The following CEP128 variants were observed in gnomAD, a reference collection of about 807,000 sequenced individuals.
The protein encoded by CEP128 is centrosomal protein 128kDa.
In CEP128, 132 loss-of-function variants were observed where a neutral mutation model predicts 156.7. That is an observed-to-expected ratio of 0.84 (90% confidence interval 0.73 to 0.97). CEP128 has a LOEUF of 0.97. CEP128 is among the 50% of genes least tolerant of loss of function. The pLI, the probability that CEP128 is intolerant of heterozygous loss-of-function variation, is 0.00. For synonymous variants in CEP128, 469 were observed against 448.9 expected (o/e 1.04, Z -0.57); for missense variants, 1,252 against 1,281.9 (o/e 0.98, Z 0.36).
chr14:80,658,157 A>G (rs978557122), intron 19 of CEP128, among the ~76,000 whole-genome samples: 2 of 152,226 alleles, frequency 1.3e-5, no homozygotes, highest in Admixed American at 6.5e-5. Flanking sequence ...TAATTCACCT[A>G]GTACAAGTTT....
At chr14:80,731,919 C>T (rs1898289642) in intron 19 of CEP128, among the ~76,000 whole-genome samples, 1 of 152,066 alleles carries the variant, frequency 6.6e-6, no homozygotes, top group Non-Finnish European at 1.5e-5. Flanking sequence ...ATCAATAAGG[C>T]TATGTTTTCT....
intron 19 of CEP128, among the ~76,000 whole-genome samples, chr14:80,632,616 A>G (rs918948671): frequency 7.9e-5 from 12 of 151,034 alleles, no homozygotes; most frequent in African/African-American, 2.9e-4. Flanking sequence ...TGCATTCACT[A>G]TAACAGTTTT....
chr14:80,889,575 T>C (rs1339497016), intron 8 of CEP128, among the ~76,000 whole-genome samples: 1 of 152,210 alleles, frequency 6.6e-6, no homozygotes, highest in Non-Finnish European at 1.5e-5. Context: ...GGCTACCATA[T>C]GCAGAAAACT....
chr14:80,950,906 G>GAAAAAA (rs59969729), intron 2 of CEP128, among the ~76,000 whole-genome samples: 9 of 114,994 alleles, frequency 7.8e-5, no homozygotes, highest in East Asian at 7.7e-4. Context: ...TCCCGAGTAA[G>GAAAAAA]AAAAAAAAAA....
intron 11 of CEP128, among the ~76,000 whole-genome samples, chr14:80,837,673 G>A (rs921934440): frequency 5.9e-5 from 9 of 152,160 alleles, no homozygotes; most frequent in Non-Finnish European, 8.8e-5. Context: ...CCAAGATTGC[G>A]CCACTGCACT....
intron 19 of CEP128, among the ~76,000 whole-genome samples, chr14:80,612,328 T>C (rs1205845357): frequency 1.3e-5 from 2 of 152,194 alleles, no homozygotes; most frequent in Non-Finnish European, 2.9e-5. Flanking sequence ...TGTAGATAGA[T>C]ACACAATGAA....
intron 18 of CEP128, among the ~76,000 whole-genome samples, chr14:80,754,971 C>G (rs1376842018): frequency 3.9e-5 from 6 of 152,152 alleles, no homozygotes; most frequent in Non-Finnish European, 8.8e-5. Context: ...ACTGATTAGA[C>G]TGAAGGATAC....
chr14:80,904,937 C>T lies in CEP128; in HGVS notation c.362-6G>A. The T allele has an allele frequency of 6.7e-7, 1 of 1,484,420 alleles. No individual in the cohort carries two copies. Among genetic ancestry groups the T allele is most frequent in the Admixed American group, 1.7e-5 (1 of 59,854 alleles). 92.0% of individuals were successfully genotyped at this position (1,484,420 alleles called of 1,614,324 possible). A position where few individuals can be genotyped will look rare whatever the true frequency, so the allele number is the denominator to read the frequency against. The stretch of plus-strand genomic sequence containing the variant: ...AGGTGGAAAATGATGGAGCTCTTCA[C>T]AAGTGAAAGAAAAGGGAAGGTATTA... On this transcript the variant is annotated splice_region_variant and splice_polypyrimidine_tract_variant and intron_variant, in intron 5 of 24. Transcript: ENST00000555265.
intron 19 of CEP128, among the ~76,000 whole-genome samples, chr14:80,672,533 G>C (rs1294203801): frequency 1.3e-5 from 2 of 152,136 alleles, no homozygotes; most frequent in Non-Finnish European, 2.9e-5. Context: ...TGTGTGTGTA[G>C]GAACGGAAGC....
intron 20 of CEP128, among the ~76,000 whole-genome samples, chr14:80,568,703 C>T (rs982278293): frequency 3.9e-5 from 6 of 152,104 alleles, no homozygotes; most frequent in African/African-American, 7.2e-5. Context: ...CCAACACACA[C>T]GCGCAGGTAA....
intron 8 of CEP128, among the ~76,000 whole-genome samples, chr14:80,895,203 A>T (rs1231157072): frequency 6.6e-6 from 1 of 152,094 alleles, no homozygotes; most frequent in Non-Finnish European, 1.5e-5. Context: ...TATGACTTTG[A>T]GATAATAAAG....
At chr14:80,958,474 T>A (rs1003761564) in intron 1 of CEP128, among the ~76,000 whole-genome samples, 1 of 152,076 alleles carries the variant, frequency 6.6e-6, no homozygotes, top group Non-Finnish European at 1.5e-5. Flanking sequence ...GAAAAAAGTC[T>A]GAAAACAAGT....
chr14:80,621,739 T>C (rs1893488491), intron 19 of CEP128, among the ~76,000 whole-genome samples: 3 of 152,210 alleles, frequency 2.0e-5, no homozygotes. Context: ...AAAGGATCTC[T>C]CTAACCTCAC....
At chr14:80,766,374 C>T (rs1900239956) in intron 16 of CEP128, among the ~76,000 whole-genome samples, 1 of 152,112 alleles carries the variant, frequency 6.6e-6, no homozygotes, top group African/African-American at 2.4e-5. Context: ...GATGAACTGT[C>T]CTATAATTCA....
chr14:80,701,776 TTTTC>T (rs1383244810), intron 19 of CEP128, among the ~76,000 whole-genome samples: 1 of 152,208 alleles, frequency 6.6e-6, no homozygotes, highest in Non-Finnish European at 1.5e-5. Flanking sequence ...TCTTTGACCC[TTTTC>T]TTTCTCTCAA....
intron 19 of CEP128, among the ~76,000 whole-genome samples, chr14:80,729,378 A>G (rs1898176060): frequency 9.3e-6 from 1 of 107,048 alleles, no homozygotes; most frequent in Non-Finnish European, 1.9e-5. Context: ...ATTCTATGGT[A>G]TACATATATA....
chr14:80,640,400 A>G (rs1894358300), intron 19 of CEP128, among the ~76,000 whole-genome samples: 1 of 152,172 alleles, frequency 6.6e-6, no homozygotes, highest in Admixed American at 6.5e-5. Context: ...TCTTCAAGCT[A>G]CTATAAAAGG....
chr14:80,895,536 T>C (rs1345086708), intron 8 of CEP128, among the ~76,000 whole-genome samples, 182 bp downstream of exon 8: 2 of 152,054 alleles, frequency 1.3e-5, no homozygotes, highest in East Asian at 1.9e-4. Context: ...TAAATATAAA[T>C]ATACCAAATA....
chr14:80,743,330 A>G, intron 18 of CEP128, 63 bp from the exon 19 acceptor site: 3 of 1,273,058 alleles, frequency 2.4e-6, no homozygotes, highest in East Asian at 4.9e-5. Context: ...ATTTCAAAAC[A>G]TGAAGAAAAA....
Sources: allele counts gnomAD v4.1 joint callset (sites outside exome capture counted in the v4.1 genomes callset), GRCh38; gene constraint gnomAD v4.1.1; transcripts MANE v1.5; gene names NCBI Gene and HGNC (gene_info 2026-07-23, HGNC 2026-07-21).